OPA1: variants seen among roughly 807,000 people sequenced by gnomAD.
OPA1 encodes dynamin-like GTPase OPA1, mitochondrial.
OPA1 carries 59 observed loss-of-function variants against 152.9 expected under a neutral mutation model. The observed-to-expected ratio is 0.39, with a 90% CI of 0.31 to 0.48. The LOEUF (loss-of-function observed/expected upper bound fraction) is 0.48, where lower values mean the gene tolerates loss of function less well. OPA1 is among the 20% of genes least tolerant of loss of function. The pLI is 0.96. For missense variants in OPA1, 1,008 were observed against 1,216.8 expected, an observed-to-expected ratio of 0.83 and a Z score of 2.55; for synonymous variants, 400 against 389.9, an observed-to-expected ratio of 1.03 and a Z score of -0.31.
chr3:193,609,657 C>T (rs1173747673), intron 1 of OPA1, among the ~76,000 whole-genome samples: 1 of 152,146 alleles, frequency 6.6e-6, no homozygotes, highest in Non-Finnish European at 1.5e-5. Flanking sequence ...CCATTCTTCC[C>T]GTCACTTTCA....
intron 29 of OPA1, among the ~76,000 whole-genome samples, chr3:193,678,603 C>G (rs990340389): frequency 3.3e-5 from 5 of 152,032 alleles, no homozygotes; most frequent in African/African-American, 1.2e-4. Flanking sequence ...TTCATATAAA[C>G]TTATTTCAGA....
chr3:193,598,670 A>C (rs1422649988), intron 1 of OPA1, among the ~76,000 whole-genome samples: 3 of 152,100 alleles, frequency 2.0e-5, no homozygotes, highest in East Asian at 3.9e-4. Flanking sequence ...AAGTGGGTGA[A>C]TAGATAAGGA....
At chr3:193,602,128 G>C (rs1043919459) in intron 1 of OPA1, among the ~76,000 whole-genome samples, 3 of 152,214 alleles carry the variant, frequency 2.0e-5, no homozygotes, top group Non-Finnish European at 4.4e-5. Flanking sequence ...AGGGAAAGCT[G>C]TCTGTAACCA....
rs10550527 is a variant in OPA1, at chr3:193,596,405, CTT to C, written c.32+2999_32+3000del. 9.6e-3 allele frequency among the ~76,000 whole-genome samples: 488 copies of C among 50,740 alleles called. 22 individuals are homozygous for C. The highest frequency in any genetic ancestry group is 0.033 in the Middle Eastern group (4 of 122). 33.3% of individuals were successfully genotyped at this position (50,740 alleles called of 152,430 possible). ...CTTTTCTTTTCTGTTCTTTTCTTTT[CTT>C]TTCTTTTCTTTTCTTTCACACAGGA... On this transcript the variant is annotated intron_variant, in intron 1 of 30. Coordinates refer to ENST00000361510, the MANE Select transcript of OPA1 (RefSeq NM_130837.3).
chr3:193,622,171 T>G (rs1730210052), intron 6 of OPA1, among the ~76,000 whole-genome samples: 2 of 151,694 alleles, frequency 1.3e-5, no homozygotes, highest in Non-Finnish European at 1.5e-5. Flanking sequence ...GTTTTAAGTA[T>G]AATTATTAAA....
At chr3:193,632,841 G>C (rs532520739) in intron 8 of OPA1, among the ~76,000 whole-genome samples, 1 of 152,216 alleles carries the variant, frequency 6.6e-6, no homozygotes, top group African/African-American at 2.4e-5. Context: ...CTGGCCAATA[G>C]AGCAAGACCC....
intron 19 of OPA1, among the ~76,000 whole-genome samples, chr3:193,647,613 A>G (rs1734876827): frequency 1.3e-5 from 2 of 152,150 alleles, no homozygotes; most frequent in Non-Finnish European, 2.9e-5. Context: ...CTTTTCCCAT[A>G]TGTAAATCCT....
At chr3:193,620,887 T>G (rs1438728349) in intron 6 of OPA1, among the ~76,000 whole-genome samples, 2 of 152,242 alleles carry the variant, frequency 1.3e-5, no homozygotes, top group African/African-American at 4.8e-5. Context: ...TACAAATTGA[T>G]GGTTGAATGT....
At chr3:193,692,205 TCTGCTTCATTTACATC>T (rs1227046271) in intron 30 of OPA1, 73 bp downstream of exon 30, 2 of 815,104 alleles carry the variant, frequency 2.5e-6, no homozygotes, top group Non-Finnish European at 4.2e-6. Flanking sequence ...AGTTTATCAT[TCTGCTTCATTTACATC>T]CTGCTTGTCA....
chr3:193,637,421 C>T (rs1413747324), intron 10 of OPA1, 140 bp downstream of exon 10: 7 of 490,828 alleles, frequency 1.4e-5, no homozygotes, highest in South Asian at 7.5e-5. Flanking sequence ...TGTAATCTTA[C>T]ATGTTCCAAG....
At chr3:193,690,379 A>G (rs1336725356) in intron 29 of OPA1, among the ~76,000 whole-genome samples, 1 of 134,998 alleles carries the variant, frequency 7.4e-6, no homozygotes, top group South Asian at 2.3e-4. Flanking sequence ...GAAGTGCTTC[A>G]GCCAGGCATA....
intron 29 of OPA1, chr3:193,689,071 A>G (rs147414518): frequency 1.3e-5 from 2 of 152,324 alleles, no homozygotes; most frequent in East Asian, 1.9e-4. Flanking sequence ...ATATTTAGCA[A>G]TGATACCTGC....
chr3:193,615,377 A>G (rs772878215), intron 2 of OPA1, among the ~76,000 whole-genome samples: 1 of 152,208 alleles, frequency 6.6e-6, no homozygotes, highest in Non-Finnish European at 1.5e-5. Context: ...GACCAGAGGC[A>G]AGGCGTCCTG....
chr3:193,670,378 T>TC (rs1275875766), intron 29 of OPA1, among the ~76,000 whole-genome samples: 13 of 150,776 alleles, frequency 8.6e-5, no homozygotes, highest in Admixed American at 7.9e-4. Flanking sequence ...CTTGGAGACT[T>TC]CCCCCCCACC....
intron 22 of OPA1, among the ~76,000 whole-genome samples, chr3:193,656,529 A>C (rs1037705509): frequency 7.2e-5 from 11 of 152,220 alleles, no homozygotes; most frequent in African/African-American, 2.4e-4. Flanking sequence ...GTGTTGGTGC[A>C]TTGCTTCATA....
In OPA1 at chr3:193,614,885, GACAA is replaced by G; in HGVS notation, c.198_201del (p.Asn67PhefsTer6). The G allele has an allele frequency of 6.2e-7, 1 of 1,613,960 alleles. No homozygotes were observed. The highest frequency in any genetic ancestry group is 8.5e-7 in the Non-Finnish European group (1 of 1,179,934). ...CATCCTTTCAGCAGTTCTCTTCTCT[GACAA>G]ACCTTCCTTTACGTAAACTGAAATT... On this transcript the variant is annotated frameshift_variant, in exon 2 of 31. Coordinates refer to ENST00000361510, the MANE Select transcript of OPA1 (RefSeq NM_130837.3). LOFTEE classifies it high-confidence loss of function.
chr3:193,675,371 A>G, intron 29 of OPA1, among the ~76,000 whole-genome samples: 1 of 149,916 alleles, frequency 6.7e-6, no homozygotes, highest in Admixed American at 6.6e-5. Flanking sequence ...AGAAGAATAG[A>G]GCAGGGTGTC....
rs1254838960 is a variant in OPA1, at chr3:193,659,548, G to A, written c.2507G>A (p.Arg836Gln). ...AAGAGGTGGTTATACTGGAAGAATC[G>A]GACCCAAGAACAGGTAGAAATAAAC... ...WKKRWLYWKN[R>Q]TQEQCVHNET... The change falls in exon 25 of 31, where the codon CGG becomes CAG. Residue 836 changes from arginine (R) to glutamine (Q), a missense_variant. Physicochemically the swap from Arg to Gln is conservative, Grantham distance 43 (BLOSUM62 1). Around this residue, in one of 7 missense-constraint regions of OPA1, gnomAD observed 229 missense variants for 269.0 expected, o/e 0.85. Transcript: ENST00000361510. The A allele has an allele frequency of 7.4e-6, 12 of 1,611,066 alleles. No homozygotes were observed. The highest frequency in any genetic ancestry group is 2.7e-5 in the African/African-American group (2 of 74,842).
At chr3:193,673,463 A>G (rs975912172) in intron 29 of OPA1, among the ~76,000 whole-genome samples, 1 of 152,248 alleles carries the variant, frequency 6.6e-6, no homozygotes, top group African/African-American at 2.4e-5. Flanking sequence ...TTTTCTTTAT[A>G]TGAATTGTAA....
Sources: allele counts gnomAD v4.1 joint callset (sites outside exome capture counted in the v4.1 genomes callset), GRCh38; gene constraint gnomAD v4.1.1; regional missense constraint gnomAD v4.1.1; transcripts MANE v1.5; gene names NCBI Gene and HGNC (gene_info 2026-07-23, HGNC 2026-07-21).